The following MGMT variants were observed in gnomAD, a reference collection of about 807,000 sequenced individuals.
MGMT encodes the protein O-6-methylguanine-DNA methyltransferase, also known as methylated-DNA--protein-cysteine methyltransferase.
In MGMT, 14 loss-of-function variants were observed where a neutral mutation model predicts 15.9. The ratio of observed to expected loss-of-function variants is 0.88; its 90% confidence interval spans 0.58 to 1.37. The LOEUF (loss-of-function observed/expected upper bound fraction) is 1.37. Ranked by LOEUF, MGMT falls within the 40% of genes most tolerant of loss-of-function variation. The pLI is 0.00. For missense variants in MGMT, 282 were observed against 268.1 expected, an observed-to-expected ratio of 1.05 and a Z score of -0.36; for synonymous variants, 130 against 118.2, an observed-to-expected ratio of 1.10 and a Z score of -0.65.
rs146717205 is a variant in MGMT, at chr10:129,556,869, T to C, written c.125+20492T>C. Among the ~76,000 whole-genome samples, 347 of 152,246 alleles carry C rather than the reference T, an allele frequency of 2.3e-3. 1 individual carries two copies. The highest frequency in any genetic ancestry group is 7.9e-3 in the African/African-American group (330 of 41,552). The stretch of plus-strand genomic sequence containing the variant: ...CTGTCGTAGGGCTAGTGAGACCAGC[T>C]TTCCCTTGAGTTCTGGGGCGGGACG... On this transcript the variant is annotated intron_variant, in intron 2 of 4. Coordinates refer to ENST00000651593, the MANE Select transcript of MGMT (RefSeq NM_002412.5). The surrounding 1 kb of genome is among the most constrained non-coding windows in gnomAD (Gnocchi z 4.3).
chr10:129,647,154 C>T (rs73388761), intron 2 of MGMT, among the ~76,000 whole-genome samples: 3,674 of 152,220 alleles, frequency 0.024, 91 homozygotes, highest in African/African-American at 0.065. Flanking sequence ...CTGGTGACGG[C>T]TCTAATAGGC....
chr10:129,607,073 C>T (rs964662829), intron 2 of MGMT, among the ~76,000 whole-genome samples: 1 of 152,172 alleles, frequency 6.6e-6, no homozygotes, highest in East Asian at 1.9e-4. Context: ...GAGTTGGCAC[C>T]CTCCGGTTTG....
At chr10:129,618,909 T>C (rs1336243094) in intron 2 of MGMT, among the ~76,000 whole-genome samples, 3 of 152,188 alleles carry the variant, frequency 2.0e-5, no homozygotes, top group African/African-American at 4.8e-5. Context: ...ATCTTCCATG[T>C]ACGTGAATAT....
In MGMT at chr10:129,770,515, C is replaced by T. The variant is rs1461007504; in HGVS notation, c.*3518C>T. 2.0e-5 allele frequency among the ~76,000 whole-genome samples: 3 copies of T among 152,220 alleles called. No individual in the cohort carries two copies. The highest frequency in any genetic ancestry group is 2.9e-5 in the Non-Finnish European group (2 of 68,040). ...CTGCCGCTTGCTCACCTTGGCTGTC[C>T]ATGCACCCGTAGCTGTGACCATGGG... On this transcript the variant is annotated 3_prime_UTR_variant, in exon 5 of 5. Coordinates refer to ENST00000651593, the MANE Select transcript of MGMT (RefSeq NM_002412.5).
intron 2 of MGMT, among the ~76,000 whole-genome samples, chr10:129,595,815 C>T (rs761863786): frequency 1.4e-4 from 21 of 152,154 alleles, no homozygotes; most frequent in East Asian, 3.9e-4. Flanking sequence ...GGTCACGAGC[C>T]GTCGGGGAGT....
At chr10:129,601,729 A>G (rs1287667161) in intron 2 of MGMT, among the ~76,000 whole-genome samples, 3 of 152,190 alleles carry the variant, frequency 2.0e-5, no homozygotes, top group South Asian at 2.1e-4. Flanking sequence ...TAAATAACCA[A>G]AGTCCTTGGG....
intron 2 of MGMT, among the ~76,000 whole-genome samples, chr10:129,625,485 G>A (rs1392438502): frequency 6.6e-6 from 1 of 152,172 alleles, no homozygotes. Flanking sequence ...ATATTAGAAT[G>A]TCAATTTTAC....
chr10:129,521,142 G>A (rs1564841272), intron 1 of MGMT, among the ~76,000 whole-genome samples: 1 of 152,192 alleles, frequency 6.6e-6, no homozygotes, highest in Non-Finnish European at 1.5e-5. Context: ...GGGATGGAGA[G>A]CTGGTGTCTG....
Position 129,769,591 on chromosome 10 carries a change from A to C in MGMT, c.*2594A>C, listed in dbSNP as rs901449316. ...GCGGACCACGCTCCCCTGTTTCCAG[A>C]GAGATGAGAGAGTCAGAAGTAATAC... On this transcript the variant is annotated 3_prime_UTR_variant, in exon 5 of 5. Coordinates refer to ENST00000651593, the MANE Select transcript of MGMT (RefSeq NM_002412.5). Among the ~76,000 whole-genome samples the C allele has an allele frequency of 6.6e-6, 1 of 151,418 alleles. No individual in the cohort carries two copies. Among genetic ancestry groups the C allele is most frequent in the Admixed American group, 6.6e-5 (1 of 15,140 alleles).
chr10:129,726,135 G>A (rs1009004577), intron 3 of MGMT, among the ~76,000 whole-genome samples: 10 of 152,140 alleles, frequency 6.6e-5, no homozygotes, highest in South Asian at 4.2e-4. Context: ...TCCAAGTGGC[G>A]GGGCCTCTGC....
intron 2 of MGMT, among the ~76,000 whole-genome samples, chr10:129,687,098 A>C (rs1184155190): frequency 1.3e-5 from 2 of 152,174 alleles, no homozygotes; most frequent in African/African-American, 4.8e-5. Flanking sequence ...GTAGGTTCTC[A>C]GCAAGTGTGC....
At chr10:129,519,451 G>A (rs978163142) in intron 1 of MGMT, among the ~76,000 whole-genome samples, 3 of 152,144 alleles carry the variant, frequency 2.0e-5, no homozygotes, top group Non-Finnish European at 4.4e-5. Context: ...CTAGAGCATC[G>A]GATTAATCAT....
chr10:129,474,407 C>CG (rs1010621732), intron 1 of MGMT, among the ~76,000 whole-genome samples: 1 of 152,086 alleles, frequency 6.6e-6, no homozygotes, highest in Non-Finnish European at 1.5e-5. Context: ...AGGTGGGAGT[C>CG]GCAGAGTGTG....
intron 2 of MGMT, among the ~76,000 whole-genome samples, chr10:129,707,174 A>C (rs1848173950): frequency 6.6e-6 from 1 of 152,126 alleles, no homozygotes; most frequent in East Asian, 1.9e-4. Flanking sequence ...CTACTAGGGA[A>C]GATGAGGCAG....
Position 129,556,133 on chromosome 10 carries a change from G to T in MGMT, c.125+19756G>T, listed in dbSNP as rs1225315927. On this transcript the variant is annotated intron_variant, in intron 2 of 4. Coordinates refer to ENST00000651593, the MANE Select transcript of MGMT (RefSeq NM_002412.5). This position sits in a 1 kb window ranked among gnomAD's most constrained non-coding sequence, Gnocchi z 4.3. ...CCTTGGACCCTGATGGCGCTGGGGG[G>T]TTTCATCGCCATTTAACCCTCCGCG... Among the ~76,000 whole-genome samples the T allele has an allele frequency of 1.3e-5, 2 of 152,164 alleles. No individual in the cohort carries two copies. The highest frequency in any genetic ancestry group is 2.4e-5 in the African/African-American group (1 of 41,434).
At chr10:129,529,452 C>T (rs1424479410) in intron 1 of MGMT, among the ~76,000 whole-genome samples, 1 of 152,152 alleles carries the variant, frequency 6.6e-6, no homozygotes, top group Non-Finnish European at 1.5e-5. Context: ...CTTCACACTC[C>T]TATGAGAATT....
In MGMT at chr10:129,659,441, T is replaced by A. The variant is rs1280162458; in HGVS notation, c.126-48454T>A. On this transcript the variant is annotated intron_variant, in intron 2 of 4. Transcript: ENST00000651593. This position sits in a 1 kb window ranked among gnomAD's most constrained non-coding sequence, Gnocchi z 4.1. Reference sequence around the variant, plus strand: ...TGCGTTTGGCTGGAGATAGAACAGATCCTGCCTCTATCCACGGCGTAAGGG... The same window carrying A: ...TGCGTTTGGCTGGAGATAGAACAGAACCTGCCTCTATCCACGGCGTAAGGG... 3.3e-5 allele frequency among the ~76,000 whole-genome samples: 5 copies of A among 151,950 alleles called. No homozygotes were observed. Among genetic ancestry groups the A allele is most frequent in the Non-Finnish European group, 7.4e-5 (5 of 68,000 alleles).
intron 1 of MGMT, among the ~76,000 whole-genome samples, chr10:129,469,062 C>T (rs1366619009): frequency 6.6e-6 from 1 of 152,146 alleles, no homozygotes; most frequent in Admixed American, 6.5e-5. Flanking sequence ...ACTTTGATAT[C>T]ACCTGGGCCT....
chr10:129,486,729 G>A (rs562201880), intron 1 of MGMT, among the ~76,000 whole-genome samples: 1 of 152,224 alleles, frequency 6.6e-6, no homozygotes, highest in Non-Finnish European at 1.5e-5. Flanking sequence ...GAAACAAAGG[G>A]CGTCTTTGAT....
Sources: allele counts gnomAD v4.1 joint callset (sites outside exome capture counted in the v4.1 genomes callset), GRCh38; gene constraint gnomAD v4.1.1; non-coding constraint Gnocchi (gnomAD v3.1); transcripts MANE v1.5; gene names NCBI Gene and HGNC (gene_info 2026-07-23, HGNC 2026-07-21).